Variants in FAM171B observed in about 807,000 individuals in gnomAD.
FAM171B encodes family with sequence similarity 171 member B, also known as protein FAM171B.
FAM171B carries 19 observed loss-of-function variants against 75.6 expected under a neutral mutation model. That is an observed-to-expected ratio of 0.25 (90% confidence interval 0.18 to 0.37). The LOEUF is 0.37. Ranked by LOEUF, FAM171B falls within the 10% of genes least tolerant of loss-of-function variation. FAM171B has a pLI of 1.00. For missense variants in FAM171B, 848 were observed against 982.4 expected (o/e 0.86, Z 1.83); for synonymous variants, 367 against 361.7 (o/e 1.01, Z -0.17).
intron 5 of FAM171B, among the ~76,000 whole-genome samples, chr2:186,751,717 T>G (rs1690458134): frequency 6.6e-6 from 1 of 152,166 alleles, no homozygotes; most frequent in Non-Finnish European, 1.5e-5. Context: ...AAAAAGTAAT[T>G]GTTTTTCCAA....
At chr2:186,757,299 T>A (rs1690546717) in intron 6 of FAM171B, among the ~76,000 whole-genome samples, 1 of 151,942 alleles carries the variant, frequency 6.6e-6, no homozygotes, top group Admixed American at 6.6e-5. Context: ...GGAAACAGGA[T>A]CAAAGACCAC....
chr2:186,728,168 A>G (rs1445204912), intron 1 of FAM171B, among the ~76,000 whole-genome samples: 1 of 152,228 alleles, frequency 6.6e-6, no homozygotes, highest in African/African-American at 2.4e-5. Flanking sequence ...ATGATAGTGT[A>G]AACTGATAGC....
chr2:186,699,213 A>C (rs1435575465), intron 1 of FAM171B, among the ~76,000 whole-genome samples: 5 of 152,098 alleles, frequency 3.3e-5, no homozygotes, highest in African/African-American at 1.2e-4. Context: ...ACTGTTCTCC[A>C]TAGTGGTTGT....
At chr2:186,707,384 G>T (rs1273511015) in intron 1 of FAM171B, among the ~76,000 whole-genome samples, 1 of 152,104 alleles carries the variant, frequency 6.6e-6, no homozygotes, top group East Asian at 1.9e-4. Context: ...CATCTTTACT[G>T]CCTCTGCTCT....
intron 6 of FAM171B, among the ~76,000 whole-genome samples, chr2:186,758,563 C>A (rs1256420484): frequency 6.6e-6 from 1 of 152,046 alleles, no homozygotes; most frequent in Non-Finnish European, 1.5e-5. Flanking sequence ...GTAATTGATA[C>A]TGATAAGTAG....
intron 1 of FAM171B, among the ~76,000 whole-genome samples, chr2:186,730,593 A>G (rs1454764809): frequency 6.6e-6 from 1 of 152,226 alleles, no homozygotes; most frequent in Non-Finnish European, 1.5e-5. Context: ...GAGGGAGATT[A>G]TGATTTGGAT....
At chr2:186,710,252 G>T (rs1004098774) in intron 1 of FAM171B, among the ~76,000 whole-genome samples, 1 of 152,184 alleles carries the variant, frequency 6.6e-6, no homozygotes, top group Non-Finnish European at 1.5e-5. Flanking sequence ...TCGGGCTCTA[G>T]CCCAGTGTTC....
intron 1 of FAM171B, among the ~76,000 whole-genome samples, chr2:186,715,697 C>G (rs1689865472): frequency 6.6e-6 from 1 of 152,058 alleles, no homozygotes; most frequent in Admixed American, 6.5e-5. Context: ...TTTTTGATTA[C>G]CGTATTTTGA....
At chr2:186,758,307 C>T (rs1392158008) in intron 6 of FAM171B, among the ~76,000 whole-genome samples, 1 of 152,120 alleles carries the variant, frequency 6.6e-6, no homozygotes, top group African/African-American at 2.4e-5. Context: ...GTGAGAGTTC[C>T]AATTCAGGCA....
rs1690634312 is a variant in FAM171B, at chr2:186,762,532, G to T, written c.2190G>T (p.Met730Ile). The T allele has an allele frequency of 6.2e-7, 1 of 1,613,444 alleles. No individual in the cohort carries two copies. The highest frequency in any genetic ancestry group is 1.1e-5 in the South Asian group (1 of 91,090). The change falls in exon 8 of 8, where the codon ATG becomes ATT. Residue 730 changes from methionine (M) to isoleucine (I), a missense_variant. Met to Ile is a conservative substitution (Grantham distance 10). Transcript: ENST00000304698. This position sits in a 1 kb window ranked among gnomAD's most constrained non-coding sequence, Gnocchi z 4.0. Reference protein sequence around the residue: ...LEREKTFIKSMHQPKILYLED... With the variant: ...LEREKTFIKSIHQPKILYLED... ...GGGAGAAAACATTCATCAAAAGCAT[G>T]CATCAGCCCAAGATCCTTTACTTAG... is the stretch of plus-strand genomic sequence containing the variant.
intron 1 of FAM171B, 94 bp downstream of exon 1, chr2:186,694,505 T>A (rs2105767457): frequency 6.9e-7 from 1 of 1,442,262 alleles, no homozygotes; most frequent in East Asian, 2.5e-5. Flanking sequence ...TCCATTCCTA[T>A]CCTCGTTCGT....
intron 1 of FAM171B, among the ~76,000 whole-genome samples, chr2:186,707,438 C>A (rs766051186): frequency 6.6e-6 from 1 of 152,182 alleles, no homozygotes; most frequent in Non-Finnish European, 1.5e-5. Flanking sequence ...GCACATCAAC[C>A]GGCCTCCTTA....
Position 186,694,183 on chromosome 2 carries a change from C to T in FAM171B, c.10C>T (p.Leu4Phe), listed in dbSNP as rs779419979. The change falls in exon 1 of 8, where the codon CTC becomes TTC. Residue 4 changes from leucine (L) to phenylalanine (F), a missense_variant. This residue lies in a region of FAM171B where 665 missense variants were observed against 729.0 expected (regional missense o/e 0.91). Transcript: ENST00000304698. ...CCTCTGGCTCTAGGCCATGGCGAGG[C>T]TCTGCCGGCGTGTCCCCTGCACCCT... MAR[L>F]CRRVPCTLLL... 5.0e-6 allele frequency: 8 copies of T among 1,598,728 alleles called. No individual in the cohort carries two copies. Among genetic ancestry groups the T allele is most frequent in the Non-Finnish European group, 6.8e-6 (8 of 1,177,508 alleles).
At chr2:186,748,434 A>C (rs955876119) in intron 4 of FAM171B, among the ~76,000 whole-genome samples, 4 of 152,052 alleles carry the variant, frequency 2.6e-5, no homozygotes, top group African/African-American at 9.7e-5. Flanking sequence ...TGATGCTATC[A>C]GTGCCCCAGC....
Position 186,763,441 on chromosome 2 carries a change from C to A in FAM171B, c.*618C>A, listed in dbSNP as rs1388092207. Reference sequence around the variant, plus strand: ...TACTTGGTCATTAGAGAGGGAGACACCAGCTCTTTGGTTGTTTTTGGATAT... The same window carrying A: ...TACTTGGTCATTAGAGAGGGAGACAACAGCTCTTTGGTTGTTTTTGGATAT... On this transcript the variant is annotated 3_prime_UTR_variant, in exon 8 of 8. Transcript: ENST00000304698. 3 of 151,972 alleles carry A rather than the reference C, an allele frequency of 2.0e-5. No individual in the cohort carries two copies. The highest frequency in any genetic ancestry group is 7.2e-5 in the African/African-American group (3 of 41,394). The allele number at this position is 151,972 out of a possible 1,614,324, so 9.4% of individuals were successfully genotyped here.
intron 1 of FAM171B, among the ~76,000 whole-genome samples, chr2:186,720,712 A>AAAG (rs1689940782): frequency 6.9e-6 from 1 of 144,744 alleles, no homozygotes; most frequent in African/African-American, 2.5e-5. Flanking sequence ...AAAAAAAAAA[A>AAAG]AAAAGAAAAG....
chr2:186,761,545 C>A lies in FAM171B; in HGVS notation c.1203C>A (p.Asp401Glu), dbSNP rs748778839. 1.9e-6 allele frequency: 3 copies of A among 1,607,550 alleles called. No homozygotes were observed. The highest frequency in any genetic ancestry group is 2.5e-6 in the Non-Finnish European group (3 of 1,178,204). ...CTAAACTTGAGGTCCTCAAGAGAGA[C>A]CAGACAACTTCAACAACACACATAA... is the stretch of plus-strand genomic sequence containing the variant. ...NITKLEVLKR[D>E]QTTSTTHINH... Residue 401 changes from aspartate (D) to glutamate (E), a missense_variant, in exon 8 of 8, where the codon GAC becomes GAA. Physicochemically the swap from Asp to Glu is conservative, Grantham distance 45 (BLOSUM62 2). This residue lies in a region of FAM171B where 665 missense variants were observed against 729.0 expected (regional missense o/e 0.91). Transcript: ENST00000304698.
At position 186,694,159 on chromosome 2, in the gene FAM171B, C is replaced by G; in HGVS notation, c.-15C>G. The G allele has an allele frequency of 6.4e-7, 1 of 1,558,926 alleles. No individual in the cohort carries two copies. The highest frequency in any genetic ancestry group is 1.2e-5 in the South Asian group (1 of 85,862). On this transcript the variant is annotated 5_prime_UTR_variant, in exon 1 of 8. Transcript: ENST00000304698. ...AGCCCCGCAATATGCCGCCGCGGCC[C>G]TCTGGCTCTAGGCCATGGCGAGGCT...
At chr2:186,759,098 T>C (rs1351429636) in intron 6 of FAM171B, among the ~76,000 whole-genome samples, 1 of 152,124 alleles carries the variant, frequency 6.6e-6, no homozygotes, top group African/African-American at 2.4e-5. Flanking sequence ...TGTCCTCAAC[T>C]CCCATTCATG....
Sources: gnomAD v4.1 joint callset for allele counts (sites outside exome capture counted in the v4.1 genomes callset) on GRCh38, gnomAD v4.1.1 for gene constraint, gnomAD v4.1.1 regional missense constraint, Gnocchi (gnomAD v3.1) non-coding constraint, MANE v1.5 for transcripts, NCBI Gene and HGNC (gene_info 2026-07-23, HGNC 2026-07-21) for gene names.